Variants in LRRTM4 observed in about 807,000 individuals in gnomAD.
LRRTM4 encodes leucine rich repeat transmembrane neuronal 4.
Under a neutral mutation model 47.6 loss-of-function variants are expected in LRRTM4, and 25 were observed. The observed-to-expected ratio is 0.53, with a 90% CI of 0.38 to 0.73. LRRTM4 has a LOEUF of 0.73. Ranked by LOEUF, LRRTM4 falls within the 30% of genes least tolerant of loss-of-function variation. The probability of loss-of-function intolerance (pLI) is 0.00; values close to 1 mark genes in which losing one functional copy is unlikely to be tolerated. For missense variants in LRRTM4, 638 were observed against 713.4 expected (o/e 0.89, Z 1.20); for synonymous variants, 311 against 269.5 (o/e 1.15, Z -1.51).
intron 3 of LRRTM4, among the ~76,000 whole-genome samples, chr2:76,962,926 A>G (rs1308232605): frequency 6.6e-6 from 1 of 150,808 alleles, no homozygotes; most frequent in African/African-American, 2.4e-5. Flanking sequence ...ATTTAAAAAT[A>G]GCACACTTAT....
intron 3 of LRRTM4, among the ~76,000 whole-genome samples, chr2:77,043,269 A>T (rs1461718756): frequency 6.6e-6 from 1 of 151,782 alleles, no homozygotes; most frequent in East Asian, 1.9e-4. Flanking sequence ...TTTGGAGTTA[A>T]TGTTCCACCA....
rs79359789 is a variant in LRRTM4, at chr2:77,471,911, C to T, written c.1551+46407G>A. 1.7e-3 allele frequency among the ~76,000 whole-genome samples: 265 copies of T among 152,210 alleles called. 2 individuals are homozygous for T. The highest frequency in any genetic ancestry group is 6.1e-3 in the African/African-American group (252 of 41,528). The stretch of plus-strand genomic sequence containing the variant: ...TGTAAATTCTGTATTTACAACTTTG[C>T]CTACTCACTGAAGTGCACTTGTAAC... On this transcript the variant is annotated intron_variant, in intron 3 of 3. Transcript: ENST00000409884.
intron 3 of LRRTM4, among the ~76,000 whole-genome samples, chr2:77,248,627 A>C (rs983780655): frequency 5.3e-5 from 8 of 152,192 alleles, no homozygotes; most frequent in African/African-American, 1.9e-4. Context: ...GAGTTCTGAC[A>C]CTATCTCATT....
intron 3 of LRRTM4, among the ~76,000 whole-genome samples, chr2:76,898,963 T>C (rs1673521259): frequency 6.6e-6 from 1 of 152,028 alleles, no homozygotes; most frequent in Non-Finnish European, 1.5e-5. Flanking sequence ...CAGAACCTAG[T>C]TTATACAAGG....
intron 3 of LRRTM4, among the ~76,000 whole-genome samples, chr2:77,073,976 A>C: frequency 6.6e-6 from 1 of 152,028 alleles, no homozygotes; most frequent in East Asian, 1.9e-4. Flanking sequence ...ACTCTTCGTT[A>C]GTTCTACATG....
chr2:76,892,961 T>C (rs956796699), intron 3 of LRRTM4, among the ~76,000 whole-genome samples: 23 of 150,446 alleles, frequency 1.5e-4, no homozygotes, highest in African/African-American at 4.6e-4. Context: ...GGAGTCAAAA[T>C]CCCAAAGTGT....
chr2:76,875,582 A>G (rs1241692848), intron 3 of LRRTM4, among the ~76,000 whole-genome samples: 1 of 152,158 alleles, frequency 6.6e-6, no homozygotes, highest in East Asian at 1.9e-4. Flanking sequence ...GAGTGGGGAT[A>G]TAAGGGAATA....
At chr2:77,092,273 T>G (rs926972331) in intron 3 of LRRTM4, among the ~76,000 whole-genome samples, 1 of 151,984 alleles carries the variant, frequency 6.6e-6, no homozygotes. Context: ...CCCCCATGAC[T>G]GTATCTCTGT....
chr2:76,916,360 G>A (rs1382379972), intron 3 of LRRTM4, among the ~76,000 whole-genome samples: 1 of 132,332 alleles, frequency 7.6e-6, no homozygotes, highest in Admixed American at 9.0e-5. Context: ...ACTCCAGCCT[G>A]GGCGACAGAG....
At chr2:77,124,299 G>A (rs1332607993) in intron 3 of LRRTM4, among the ~76,000 whole-genome samples, 2 of 152,026 alleles carry the variant, frequency 1.3e-5, no homozygotes, top group East Asian at 3.9e-4. Flanking sequence ...CTTATACAGA[G>A]CAACAAGAAC....
intron 3 of LRRTM4, among the ~76,000 whole-genome samples, chr2:77,052,447 G>C (rs1407394145): frequency 6.6e-6 from 1 of 151,908 alleles, no homozygotes; most frequent in Non-Finnish European, 1.5e-5. Flanking sequence ...GGGATTACAG[G>C]TGTGAGCCAC....
At chr2:76,945,607 A>G (rs1313576607) in intron 3 of LRRTM4, among the ~76,000 whole-genome samples, 1 of 152,064 alleles carries the variant, frequency 6.6e-6, no homozygotes, top group Non-Finnish European at 1.5e-5. Context: ...AAAGTCCTGC[A>G]TATATATACT....
rs142878419 is a variant in LRRTM4, at chr2:77,252,309, A to C, written c.1551+266009T>G. On this transcript the variant is annotated intron_variant, in intron 3 of 3. Coordinates refer to ENST00000409884, the MANE Select transcript of LRRTM4 (RefSeq NM_001134745.3). ...TGCATTGGCATATATGGTACCCTAC[A>C]TACACTTGGGGCAGCCAGATTTGCT... Among the ~76,000 whole-genome samples, 638 of 152,248 alleles carry C rather than the reference A, an allele frequency of 4.2e-3. 1 individual carries two copies. The highest frequency in any genetic ancestry group is 0.014 in the African/African-American group (602 of 41,558).
At chr2:76,892,421 C>T (rs979698623) in intron 3 of LRRTM4, among the ~76,000 whole-genome samples, 6 of 151,660 alleles carry the variant, frequency 4.0e-5, no homozygotes, top group African/African-American at 7.3e-5. Context: ...ATGTGCCCTG[C>T]ACCGTTTTAT....
At chr2:77,201,233 T>C (rs1355263313) in intron 3 of LRRTM4, among the ~76,000 whole-genome samples, 2 of 152,164 alleles carry the variant, frequency 1.3e-5, no homozygotes, top group African/African-American at 4.8e-5. Flanking sequence ...TTCTTACAGG[T>C]TAGCCACACA....
At chr2:77,179,897 CAT>C (rs1168660921) in intron 3 of LRRTM4, among the ~76,000 whole-genome samples, 3 of 151,928 alleles carry the variant, frequency 2.0e-5, no homozygotes, top group Non-Finnish European at 2.9e-5. Flanking sequence ...CAAGAAACAA[CAT>C]AGTTAATCAG....
intron 3 of LRRTM4, among the ~76,000 whole-genome samples, chr2:76,864,525 C>T (rs367565583): frequency 9.2e-5 from 14 of 151,754 alleles, no homozygotes; most frequent in East Asian, 7.8e-4. Context: ...GGCGTGGTGG[C>T]GCATGCCTGT....
At chr2:77,378,755 C>A (rs1362906503) in intron 3 of LRRTM4, among the ~76,000 whole-genome samples, 3 of 152,186 alleles carry the variant, frequency 2.0e-5, no homozygotes, top group Admixed American at 1.3e-4. Context: ...ACAGGCAGGG[C>A]ATTTAAAATT....
intron 3 of LRRTM4, among the ~76,000 whole-genome samples, chr2:76,905,541 C>A (rs1394530967): frequency 6.6e-6 from 1 of 151,864 alleles, no homozygotes; most frequent in East Asian, 1.9e-4. Context: ...TTCAGACGAT[C>A]AAACTACGAG....
Sources: gnomAD v4.1 joint callset for allele counts (sites outside exome capture counted in the v4.1 genomes callset) on GRCh38, gnomAD v4.1.1 for gene constraint, MANE v1.5 for transcripts, NCBI Gene and HGNC (gene_info 2026-07-23, HGNC 2026-07-21) for gene names.